Variants in USH2A observed in about 807,000 individuals in gnomAD.
USH2A encodes the protein Usher syndrome 2A (autosomal recessive, mild).
Under a neutral mutation model 538.9 loss-of-function variants are expected in USH2A, and 443 were observed. The ratio of observed to expected loss-of-function variants is 0.82; its 90% CI spans 0.76 to 0.89. The LOEUF is 0.89. USH2A is among the 40% of genes least tolerant of loss of function. The pLI is 0.00. For synonymous variants in USH2A, 2,413 were observed against 2,273.5 expected (o/e 1.06, Z -1.75); for missense variants, 6,633 against 6,324.8 (o/e 1.05, Z -1.65).
At chr1:216,408,787 C>T (rs1036851324) in intron 3 of USH2A, among the ~76,000 whole-genome samples, 1 of 152,098 alleles carries the variant, frequency 6.6e-6, no homozygotes, top group Non-Finnish European at 1.5e-5. Flanking sequence ...GATACAGCAA[C>T]AGCTGATCTG....
At chr1:216,371,869 C>T (rs2038721609) in intron 3 of USH2A, among the ~76,000 whole-genome samples, 1 of 152,150 alleles carries the variant, frequency 6.6e-6, no homozygotes, top group Non-Finnish European at 1.5e-5. Flanking sequence ...AGAAAAGGCA[C>T]CGTTTTCTAA....
At chr1:216,194,259 T>C (rs1572036254) in intron 19 of USH2A, 1 of 152,058 alleles carries the variant, frequency 6.6e-6, no homozygotes, top group African/African-American at 2.4e-5. Flanking sequence ...CAGCATGCCC[T>C]AGTGGTGCAA....
At chr1:215,669,413 C>CT (rs1485113475) in intron 64 of USH2A, among the ~76,000 whole-genome samples, 1 of 152,160 alleles carries the variant, frequency 6.6e-6, no homozygotes, top group African/African-American at 2.4e-5. Flanking sequence ...AACCACAATT[C>CT]TTATCCTAAA....
At chr1:215,734,624 G>A (rs1279433503) in intron 60 of USH2A, among the ~76,000 whole-genome samples, 1 of 152,078 alleles carries the variant, frequency 6.6e-6, no homozygotes, top group Non-Finnish European at 1.5e-5. Context: ...TCTGATTGTA[G>A]GCTGTTAGAA....
intron 64 of USH2A, among the ~76,000 whole-genome samples, chr1:215,655,692 C>T (rs914477476): frequency 6.6e-6 from 1 of 150,598 alleles, no homozygotes; most frequent in Non-Finnish European, 1.5e-5. Flanking sequence ...GAATGGTGAC[C>T]CTTTGGATGC....
intron 32 of USH2A, among the ~76,000 whole-genome samples, chr1:216,044,946 G>T (rs1238144615): frequency 1.3e-5 from 2 of 152,046 alleles, no homozygotes; most frequent in African/African-American, 4.8e-5. Context: ...CTAGAGGGGG[G>T]CCAAAAAAAT....
At chr1:215,705,552 T>TA (rs1212576003) in intron 61 of USH2A, among the ~76,000 whole-genome samples, 1 of 152,232 alleles carries the variant, frequency 6.6e-6, no homozygotes, top group Non-Finnish European at 1.5e-5. Flanking sequence ...ATGTGCATTG[T>TA]AAAAATCAAT....
intron 32 of USH2A, among the ~76,000 whole-genome samples, chr1:216,015,267 G>A (rs529485250): frequency 6.6e-6 from 1 of 152,280 alleles, no homozygotes; most frequent in East Asian, 1.9e-4. Flanking sequence ...GGGGTGATAT[G>A]TTTCTCGTAG....
At chr1:215,851,421 C>T (rs2102827853) in intron 44 of USH2A, among the ~76,000 whole-genome samples, 1 of 152,184 alleles carries the variant, frequency 6.6e-6, no homozygotes, top group South Asian at 2.1e-4. Context: ...CTGTGAACAC[C>T]TTTATGCAAA....
In USH2A at chr1:215,970,573, C is replaced by T. The variant is rs184069697; in HGVS notation, c.6957+52G>A. ...CGCCACTTACTTCTTCCTTAATATT[C>T]AGTGTCATCTGACATTTAACACATT... is the stretch of plus-strand genomic sequence containing the variant. On this transcript the variant is annotated intron_variant, in intron 36 of 71. Coordinates refer to ENST00000307340, the MANE Select transcript of USH2A (RefSeq NM_206933.4). 7 of 1,610,374 alleles carry T rather than the reference C, an allele frequency of 4.3e-6. No homozygotes were observed. The East Asian group carries it at 1.6e-4, about 36-fold the overall frequency.
chr1:216,248,066 A>G (rs1280178581), intron 12 of USH2A, among the ~76,000 whole-genome samples: 1 of 152,086 alleles, frequency 6.6e-6, no homozygotes, highest in African/African-American at 2.4e-5. Flanking sequence ...ATGCTCCTCT[A>G]TTTTATCATT....
chr1:216,121,669 G>T, intron 21 of USH2A, among the ~76,000 whole-genome samples: 1 of 152,142 alleles, frequency 6.6e-6, no homozygotes. Context: ...TAAAGAGCCA[G>T]AGCTCTTCAT....
chr1:216,096,676 T>C (rs963181035), intron 22 of USH2A, among the ~76,000 whole-genome samples: 2 of 152,112 alleles, frequency 1.3e-5, no homozygotes, highest in South Asian at 4.1e-4. Flanking sequence ...CCCAGTACCA[T>C]AGTACCCGAT....
rs778336512 is a variant in USH2A, at chr1:216,232,137, C to T, written c.2810-1G>A. On this transcript the variant is annotated splice_acceptor_variant, in intron 13 of 71. Transcript: ENST00000307340. LOFTEE classifies it high-confidence loss of function. ...GCATTGCCTGGAGAAATATAAAAAC[C>T]TAGAAATAAAGAAATTAAAAGTTTT... 1.2e-6 allele frequency: 2 copies of T among 1,612,090 alleles called. No individual in the cohort carries two copies. Among genetic ancestry groups the T allele is most frequent in the South Asian group, 1.1e-5 (1 of 90,492 alleles).
chr1:216,398,730 T>C (rs1261379233), intron 3 of USH2A, among the ~76,000 whole-genome samples: 1 of 152,180 alleles, frequency 6.6e-6, no homozygotes, highest in Non-Finnish European at 1.5e-5. Context: ...TAACCTTCTA[T>C]TCCCACTGGC....
chr1:216,323,822 T>C, intron 7 of USH2A, 127 bp from the exon 8 acceptor site: 1 of 868,620 alleles, frequency 1.2e-6, no homozygotes, highest in Non-Finnish European at 1.8e-6. Context: ...AGGAAAAGCA[T>C]ATTCCATATA....
intron 32 of USH2A, among the ~76,000 whole-genome samples, chr1:216,021,431 C>T (rs1005842235): frequency 1.3e-5 from 2 of 152,170 alleles, no homozygotes; most frequent in East Asian, 3.9e-4. Context: ...ACATCTCTTG[C>T]TCTTCTGCCA....
intron 21 of USH2A, among the ~76,000 whole-genome samples, chr1:216,120,219 CAAAAAAA>C (rs10525093): frequency 2.0e-5 from 2 of 100,026 alleles, no homozygotes; most frequent in African/African-American, 3.8e-5. Flanking sequence ...TACTAAATAG[CAAAAAAA>C]AAAAAAAAAA....
At chr1:216,301,245 G>T (rs1265462260) in intron 9 of USH2A, among the ~76,000 whole-genome samples, 1 of 152,108 alleles carries the variant, frequency 6.6e-6, no homozygotes. Flanking sequence ...AAAGATATAT[G>T]AAGTCCTTGC....
Sources: allele counts gnomAD v4.1 joint callset (sites outside exome capture counted in the v4.1 genomes callset), GRCh38; gene constraint gnomAD v4.1.1; transcripts MANE v1.5; gene names NCBI Gene and HGNC (gene_info 2026-07-23, HGNC 2026-07-21).